The following CACNA2D3 variants were observed in gnomAD, a reference collection of about 807,000 sequenced individuals.
The protein encoded by CACNA2D3 is voltage-dependent calcium channel subunit alpha-2/delta-3.
A neutral mutation model predicts 160.6 loss-of-function variants in CACNA2D3; 60 were observed. That is an observed-to-expected ratio of 0.37 (90% CI 0.30 to 0.46). CACNA2D3 has a LOEUF of 0.46. CACNA2D3 is among the 20% of genes least tolerant of loss of function. The pLI, the probability that CACNA2D3 is intolerant of heterozygous loss-of-function variation, is 1.00. For synonymous variants in CACNA2D3, 558 were observed against 492.9 expected (o/e 1.13, Z -1.75); for missense variants, 1,205 against 1,365.0 (o/e 0.88, Z 1.85).
chr3:54,434,045 A>C (rs143259540), intron 4 of CACNA2D3, among the ~76,000 whole-genome samples: 12 of 152,174 alleles, frequency 7.9e-5, no homozygotes, highest in Non-Finnish European at 5.9e-5. Context: ...CGGTTCTCCC[A>C]CTGGGTGGTG....
chr3:55,056,334 C>T (rs115539184), intron 35 of CACNA2D3, among the ~76,000 whole-genome samples: 191 of 152,212 alleles, frequency 1.3e-3, no homozygotes, highest in African/African-American at 4.1e-3. Flanking sequence ...TGGAGAAAAG[C>T]GAAACTTTGT....
chr3:55,017,461 T>C (rs915960357), intron 34 of CACNA2D3, among the ~76,000 whole-genome samples: 8 of 152,254 alleles, frequency 5.3e-5, no homozygotes, highest in African/African-American at 1.9e-4. Flanking sequence ...ATTTGACATT[T>C]ACTTAACACT....
intron 11 of CACNA2D3, among the ~76,000 whole-genome samples, chr3:54,644,241 C>G (rs970524949): frequency 2.0e-5 from 3 of 151,888 alleles, no homozygotes; most frequent in Non-Finnish European, 2.9e-5. Context: ...TAATTGAAAC[C>G]AGAATTCTGG....
Position 54,464,790 on chromosome 3 carries a change from G to A in CACNA2D3, c.382-38702G>A, listed in dbSNP as rs140404759. Among the ~76,000 whole-genome samples, 16 of 152,286 alleles carry A rather than the reference G, an allele frequency of 1.1e-4. No homozygotes were observed. In the East Asian group the frequency reaches 2.1e-3, roughly 20 times the overall value. On this transcript the variant is annotated intron_variant, in intron 4 of 37. Coordinates refer to ENST00000474759, the MANE Select transcript of CACNA2D3 (RefSeq NM_018398.3). ...CGGTGCGCTGCACGCACTGTCCTGC[G>A]CCCACTGTCTGGCACTCCCTAGTGA...
intron 11 of CACNA2D3, among the ~76,000 whole-genome samples, chr3:54,738,636 T>C (rs1326362361): frequency 6.6e-6 from 1 of 152,234 alleles, no homozygotes; most frequent in Non-Finnish European, 1.5e-5. Flanking sequence ...CTGATTTGTT[T>C]GCTCCCTTGC....
At chr3:54,888,422 AG>A (rs1461466530) in intron 24 of CACNA2D3, among the ~76,000 whole-genome samples, 1 of 152,112 alleles carries the variant, frequency 6.6e-6, no homozygotes, top group Non-Finnish European at 1.5e-5. Context: ...AGTAGGATGG[AG>A]AAGTGAGAGC....
chr3:54,974,714 G>A (rs1702346740), intron 29 of CACNA2D3, among the ~76,000 whole-genome samples: 4 of 152,194 alleles, frequency 2.6e-5, no homozygotes, highest in Non-Finnish European at 5.9e-5. Flanking sequence ...GCCCTTTATT[G>A]CTGCCTTTTT....
chr3:54,522,294 T>C (rs899250304), intron 5 of CACNA2D3, among the ~76,000 whole-genome samples: 14 of 152,182 alleles, frequency 9.2e-5, no homozygotes, highest in South Asian at 2.1e-4. Context: ...TTTAATGATA[T>C]TATAAATGAA....
At chr3:54,644,809 C>T (rs1338503898) in intron 11 of CACNA2D3, among the ~76,000 whole-genome samples, 1 of 152,200 alleles carries the variant, frequency 6.6e-6, no homozygotes, top group Non-Finnish European at 1.5e-5. Flanking sequence ...GCGGAGGCTG[C>T]TGGTGGGGAA....
intron 11 of CACNA2D3, among the ~76,000 whole-genome samples, chr3:54,727,600 C>T (rs1376087544): frequency 6.6e-6 from 1 of 152,152 alleles, no homozygotes; most frequent in African/African-American, 2.4e-5. Context: ...AGTTCATGTC[C>T]TTTGCAGGGA....
intron 17 of CACNA2D3, among the ~76,000 whole-genome samples, chr3:54,855,332 A>T (rs1457926247): frequency 1.3e-5 from 2 of 152,210 alleles, no homozygotes; most frequent in East Asian, 3.9e-4. Flanking sequence ...CTTCATGCAG[A>T]TGGGTGGGTG....
intron 11 of CACNA2D3, among the ~76,000 whole-genome samples, chr3:54,666,361 A>T (rs1247733231): frequency 6.6e-6 from 1 of 152,256 alleles, no homozygotes; most frequent in East Asian, 1.9e-4. Flanking sequence ...GTCATTGGTG[A>T]CCTAACAAAG....
At chr3:54,516,496 A>G (rs1273663561) in intron 5 of CACNA2D3, among the ~76,000 whole-genome samples, 1 of 152,166 alleles carries the variant, frequency 6.6e-6, no homozygotes, top group African/African-American at 2.4e-5. Context: ...ACACATGTAG[A>G]TATTTGCATG....
At chr3:54,464,814 G>A (rs1211975063) in intron 4 of CACNA2D3, among the ~76,000 whole-genome samples, 2 of 152,214 alleles carry the variant, frequency 1.3e-5, no homozygotes, top group Non-Finnish European at 2.9e-5. Context: ...ACTCCCTAGT[G>A]AGATGAACCC....
chr3:54,275,949 G>C (rs1027943395), intron 2 of CACNA2D3, among the ~76,000 whole-genome samples: 1 of 152,100 alleles, frequency 6.6e-6, no homozygotes, highest in Non-Finnish European at 1.5e-5. Context: ...GATTTCTACT[G>C]GGGATAAAGT....
intron 26 of CACNA2D3, among the ~76,000 whole-genome samples, chr3:54,899,380 G>A (rs980990691): frequency 6.6e-6 from 1 of 152,168 alleles, no homozygotes; most frequent in African/African-American, 2.4e-5. Flanking sequence ...TTGCCAACTT[G>A]TAAAATAATT....
chr3:54,913,980 T>G (rs1259937194), intron 27 of CACNA2D3, among the ~76,000 whole-genome samples: 1 of 152,226 alleles, frequency 6.6e-6, no homozygotes, highest in Non-Finnish European at 1.5e-5. Context: ...AATGGTGTTG[T>G]AATTGCCCTT....
intron 4 of CACNA2D3, among the ~76,000 whole-genome samples, chr3:54,458,977 A>C (rs1327715493): frequency 1.3e-5 from 2 of 151,630 alleles, no homozygotes; most frequent in African/African-American, 4.8e-5. Flanking sequence ...CTGTGTCCAT[A>C]TGTTCTCATT....
intron 35 of CACNA2D3, among the ~76,000 whole-genome samples, chr3:55,056,183 G>A (rs1212294287): frequency 6.6e-6 from 1 of 152,036 alleles, no homozygotes; most frequent in East Asian, 1.9e-4. Flanking sequence ...CATAGAAATG[G>A]CCAATAGATC....
Sources: gnomAD v4.1 joint callset for allele counts (sites outside exome capture counted in the v4.1 genomes callset) on GRCh38, gnomAD v4.1.1 for gene constraint, MANE v1.5 for transcripts, NCBI Gene and HGNC (gene_info 2026-07-23, HGNC 2026-07-21) for gene names.